The following CCDC66 variants were observed in gnomAD, a reference collection of about 807,000 sequenced individuals.
CCDC66 encodes the protein coiled-coil domain-containing protein 66.
In CCDC66, 133 loss-of-function variants were observed where a neutral mutation model predicts 128.3. That is an observed-to-expected ratio of 1.04 (90% CI 0.90 to 1.20). CCDC66 has a LOEUF of 1.20. CCDC66 is among the 50% of genes most tolerant of loss of function. The pLI is 0.00. For missense variants in CCDC66, 1,126 were observed against 1,075.5 expected (o/e 1.05, Z -0.66); for synonymous variants, 387 against 357.0 (o/e 1.08, Z -0.95).
chr3:56,619,652 A>T, intron 16 of CCDC66, 125 bp downstream of exon 16: 1 of 1,485,384 alleles, frequency 6.7e-7, no homozygotes, highest in East Asian at 2.3e-5. Context: ...ATATGTCTTA[A>T]ATTTTTCTTA....
chr3:56,599,061 T>G (rs1173178664), intron 10 of CCDC66, among the ~76,000 whole-genome samples: 1 of 152,066 alleles, frequency 6.6e-6, no homozygotes, highest in African/African-American at 2.4e-5. Context: ...TTTCCTTTGT[T>G]GGGAGACTTT....
intron 16 of CCDC66, 22 bp from the exon 17 acceptor site, chr3:56,619,755 T>G: frequency 3.7e-6 from 6 of 1,612,394 alleles, no homozygotes; most frequent in Non-Finnish European, 5.1e-6. Context: ...TTGACTGACT[T>G]GTTACTTTCA....
chr3:56,589,018 G>A (rs976823301), intron 7 of CCDC66, among the ~76,000 whole-genome samples: 1 of 152,014 alleles, frequency 6.6e-6, no homozygotes. Flanking sequence ...TAGTAAAACT[G>A]GAAATACCTA....
intron 7 of CCDC66, among the ~76,000 whole-genome samples, chr3:56,591,589 A>T (rs183152258): frequency 6.6e-6 from 1 of 152,334 alleles, no homozygotes; most frequent in East Asian, 1.9e-4. Context: ...CAGGTTGGAC[A>T]ATGCTCGTTT....
At chr3:56,605,205 G>A (rs551156570) in intron 10 of CCDC66, among the ~76,000 whole-genome samples, 5 of 152,050 alleles carry the variant, frequency 3.3e-5, no homozygotes, top group African/African-American at 1.2e-4. Flanking sequence ...TCCTTGCATT[G>A]GGTTAGAACA....
intron 7 of CCDC66, chr3:56,572,230 A>G (rs549634622): frequency 3.7e-5 from 19 of 512,342 alleles, no homozygotes; most frequent in Non-Finnish European, 6.6e-5. Context: ...ACATATGCCA[A>G]GTGTGTCTTG....
intron 7 of CCDC66, among the ~76,000 whole-genome samples, chr3:56,581,717 C>T (rs1389178115): frequency 6.6e-6 from 1 of 151,854 alleles, no homozygotes; most frequent in Non-Finnish European, 1.5e-5. Context: ...CCAGCGGAGG[C>T]TTCAGAACAG....
chr3:56,559,642 GT>G, intron 3 of CCDC66, 48 bp downstream of exon 3: 1 of 1,426,946 alleles, frequency 7.0e-7, no homozygotes, highest in Non-Finnish European at 9.5e-7. Flanking sequence ...GTAAAATGCA[GT>G]TTTATTTATA....
intron 7 of CCDC66, among the ~76,000 whole-genome samples, chr3:56,584,800 A>C (rs192046355): frequency 6.6e-6 from 1 of 151,930 alleles, no homozygotes; most frequent in Non-Finnish European, 1.5e-5. Context: ...AGCCTGGGCA[A>C]CATTGAGCAC....
At chr3:56,572,513 A>G in intron 7 of CCDC66, 1 of 450,010 alleles carries the variant, frequency 2.2e-6, no homozygotes, top group Non-Finnish European at 3.5e-6. Flanking sequence ...AGAGAATCTA[A>G]GTCCTCCTTA....
chr3:56,608,900 G>T (rs1037568688), intron 10 of CCDC66, among the ~76,000 whole-genome samples: 2 of 152,134 alleles, frequency 1.3e-5, no homozygotes, highest in African/African-American at 4.8e-5. Context: ...TAATTTCCAT[G>T]TATTTGTGTG....
At chr3:56,579,833 G>C (rs115144136) in intron 7 of CCDC66, among the ~76,000 whole-genome samples, 1 of 151,824 alleles carries the variant, frequency 6.6e-6, no homozygotes, top group African/African-American at 2.4e-5. Context: ...TTCCAGCTTC[G>C]TGGTCAATTT....
chr3:56,598,367 A>G (rs1394447031), intron 10 of CCDC66, among the ~76,000 whole-genome samples: 3 of 150,462 alleles, frequency 2.0e-5, no homozygotes, highest in African/African-American at 7.3e-5. Flanking sequence ...TTTATTTTCT[A>G]TTTTATTTAT....
At chr3:56,563,531 T>A (rs1175116614) in intron 3 of CCDC66, 153 bp from the exon 4 acceptor site, 2 of 584,674 alleles carry the variant, frequency 3.4e-6, no homozygotes, top group Non-Finnish European at 5.9e-6. Context: ...TGATGAAGAT[T>A]TGCAAGTATT....
At chr3:56,618,075 A>G (rs894069781) in intron 14 of CCDC66, 97 bp from the exon 15 acceptor site, 1 of 950,476 alleles carries the variant, frequency 1.1e-6, no homozygotes, top group Non-Finnish European at 1.7e-6. Context: ...TTCAAATATT[A>G]CCCTCAGACT....
chr3:56,557,530 A>C (rs1433670657), intron 1 of CCDC66, among the ~76,000 whole-genome samples: 1 of 152,208 alleles, frequency 6.6e-6, no homozygotes, highest in Non-Finnish European at 1.5e-5. Context: ...TGAGGAGGGA[A>C]GAGAGGTGAG....
intron 10 of CCDC66, among the ~76,000 whole-genome samples, chr3:56,600,750 C>T (rs2073019756): frequency 6.6e-6 from 1 of 152,060 alleles, no homozygotes; most frequent in African/African-American, 2.4e-5. Context: ...AGCTTTTCTC[C>T]ATATGTTTGT....
intron 10 of CCDC66, among the ~76,000 whole-genome samples, chr3:56,599,215 A>G (rs1213256830): frequency 1.3e-5 from 2 of 152,014 alleles, no homozygotes; most frequent in Non-Finnish European, 2.9e-5. Context: ...GTAGTTGTTC[A>G]TAATAGCCTC....
chr3:56,618,319 C>A, intron 15 of CCDC66, 107 bp downstream of exon 15: 1 of 1,020,448 alleles, frequency 9.8e-7, no homozygotes, highest in Non-Finnish European at 1.5e-6. Context: ...AGAGAACAAT[C>A]AGAAAGGGTG....
Sources: allele counts gnomAD v4.1 joint callset (sites outside exome capture counted in the v4.1 genomes callset), GRCh38; gene constraint gnomAD v4.1.1; transcripts MANE v1.5; gene names NCBI Gene and HGNC (gene_info 2026-07-23, HGNC 2026-07-21).